The following NOL10 variants were observed in gnomAD, a reference collection of about 807,000 sequenced individuals.
NOL10 encodes the protein nucleolar protein 10.
In NOL10, 58 loss-of-function variants were observed where a neutral mutation model predicts 103.5. The ratio of observed to expected loss-of-function variants is 0.56; its 90% CI spans 0.45 to 0.70. The LOEUF is 0.70. Among genes scored for constraint, NOL10 ranks in the 30% least tolerant of loss-of-function variants. NOL10 has a pLI of 0.00. For synonymous variants in NOL10, 287 were observed against 282.5 expected (o/e 1.02, Z -0.16); for missense variants, 763 against 807.3 (o/e 0.95, Z 0.67).
At chr2:10,573,465 T>C (rs1028358909) in intron 20 of NOL10, among the ~76,000 whole-genome samples, 1 of 152,148 alleles carries the variant, frequency 6.6e-6, no homozygotes, top group Non-Finnish European at 1.5e-5. Flanking sequence ...GTGCTGGGAT[T>C]ACAGGCGTGC....
Position 10,681,906 on chromosome 2 carries a change from A to G in NOL10, c.211+65T>C, listed in dbSNP as rs73169917. On this transcript the variant is annotated intron_variant, in intron 3 of 20. Coordinates refer to ENST00000381685, the MANE Select transcript of NOL10 (RefSeq NM_024894.4). ...AAATATTAGGGTTAAAAAAAAAAAG[A>G]CCTTTCCCATCGCAGCATTTCCTGG... 2,850 of 605,670 alleles carry G rather than the reference A, an allele frequency of 4.7e-3. 83 individuals are homozygous for G. The African/African-American group carries it at 0.05, about 11-fold the overall frequency. The allele number at this position is 605,670 out of a possible 1,614,324, so 37.5% of individuals were successfully genotyped here.
chr2:10,642,467 T>C (rs1282685256), intron 13 of NOL10, among the ~76,000 whole-genome samples: 1 of 152,138 alleles, frequency 6.6e-6, no homozygotes, highest in Non-Finnish European at 1.5e-5. Context: ...AGAACACAGG[T>C]CTGATCCTAT....
rs1674612060 is a variant in NOL10 at position 10,578,963 on chromosome 2, AC to A, written c.1845-1226del. Among the ~76,000 whole-genome samples, 3 of 152,316 alleles carry A rather than the reference AC, an allele frequency of 2.0e-5. No homozygotes were observed. The South Asian group carries it at 6.2e-4, about 32-fold the overall frequency. On this transcript the variant is annotated intron_variant, in intron 19 of 20. Coordinates refer to ENST00000381685, the MANE Select transcript of NOL10 (RefSeq NM_024894.4). Reference sequence around the variant, plus strand: ...AGCCCTTTAAAGTGATGGCTAAGAAACCTGACTGAAGAAAGAAAAAGGCTGA... The same window carrying A: ...AGCCCTTTAAAGTGATGGCTAAGAAACTGACTGAAGAAAGAAAAAGGCTGA...
At position 10,637,188 on chromosome 2, in the gene NOL10, CAAA is replaced by C. The variant is rs61693251; in HGVS notation, c.1026+7129_1026+7131del. Among the ~76,000 whole-genome samples the C allele has an allele frequency of 4.9e-3, 218 of 44,518 alleles. 1 individual carries two copies. The highest frequency in any genetic ancestry group is 0.018 in the African/African-American group (207 of 11,716). The allele number at this position is 44,518 out of a possible 152,430, so 29.2% of individuals were successfully genotyped here. On this transcript the variant is annotated intron_variant, in intron 13 of 20. Coordinates refer to ENST00000381685, the MANE Select transcript of NOL10 (RefSeq NM_024894.4). ...TGGGCCACGGAGCAAGACACTGTCT[CAAA>C]AAAAAAAAAAAAAAAAAAAAAACAC...
At chr2:10,589,012 G>A in intron 19 of NOL10, 31 bp downstream of exon 19, 2 of 1,609,730 alleles carry the variant, frequency 1.2e-6, no homozygotes, top group Non-Finnish European at 1.7e-6. Flanking sequence ...TTGGTTACAT[G>A]TCAACTGTGC....
chr2:10,586,025 C>T (rs1675005015), intron 19 of NOL10, among the ~76,000 whole-genome samples: 1 of 151,872 alleles, frequency 6.6e-6, no homozygotes, highest in South Asian at 2.1e-4. Flanking sequence ...CAAAGGGCCA[C>T]ACATTATACA....
Position 10,602,982 on chromosome 2 carries a change from T to C in NOL10, c.1233+96A>G, listed in dbSNP as rs185894856. 4 of 1,237,326 alleles carry C rather than the reference T, an allele frequency of 3.2e-6. No individual in the cohort carries two copies. The African/African-American group carries it at 4.5e-5, about 14-fold the overall frequency. The allele number at this position is 1,237,326 out of a possible 1,614,324, so 76.6% of individuals were successfully genotyped here. A position where few individuals can be genotyped will look rare whatever the true frequency, so the allele number is the denominator to read the frequency against. ...AAAGAACAGGCAGATCCCCTACAAATCCTATGTATGATTTATGAAAGTGCG... is the reference window on the plus strand; with the variant it reads ...AAAGAACAGGCAGATCCCCTACAAACCCTATGTATGATTTATGAAAGTGCG... On this transcript the variant is annotated intron_variant, in intron 15 of 20. Transcript: ENST00000381685.
intron 4 of NOL10, among the ~76,000 whole-genome samples, chr2:10,675,553 C>T (rs1036983230): frequency 6.6e-6 from 1 of 152,002 alleles, no homozygotes; most frequent in Non-Finnish European, 1.5e-5. Context: ...CCCAGCACCT[C>T]CAAGTCAGAG....
chr2:10,606,822 C>T (rs761616502), intron 14 of NOL10, among the ~76,000 whole-genome samples: 2 of 152,042 alleles, frequency 1.3e-5, no homozygotes, highest in African/African-American at 2.4e-5. Flanking sequence ...CATTTACTTG[C>T]CGTCTCTGAG....
Position 10,675,750 on chromosome 2 carries a change from A to T in NOL10, c.289+44T>A, listed in dbSNP as rs752105799. The T allele has an allele frequency of 2.6e-6, 3 of 1,147,510 alleles. No homozygotes were observed. In the South Asian group the frequency reaches 4.3e-5, roughly 17 times the overall value. The allele number at this position is 1,147,510 out of a possible 1,614,324, so 71.1% of individuals were successfully genotyped here. On this transcript the variant is annotated intron_variant, in intron 4 of 20. Transcript: ENST00000381685. ...TTTTAAAACCAGAAAAGCAGACAAC[A>T]TAAAAAGCCATTTTCATGAATTCAA...
At chr2:10,605,061 A>G (rs728134) in intron 14 of NOL10, among the ~76,000 whole-genome samples, 89,682 of 151,784 alleles carry the variant, frequency 0.59, 27,479 homozygotes, top group African/African-American at 0.74. Flanking sequence ...GCAACCCTAT[A>G]GGTTGGGACC....
At chr2:10,677,560 G>C (rs1434699866) in intron 3 of NOL10, among the ~76,000 whole-genome samples, 1 of 148,342 alleles carries the variant, frequency 6.7e-6, no homozygotes, top group East Asian at 2.0e-4. Context: ...AACCTCAACC[G>C]CCCTGGGCTC....
intron 13 of NOL10, among the ~76,000 whole-genome samples, chr2:10,635,621 C>G (rs1229976242): frequency 6.6e-6 from 1 of 152,188 alleles, no homozygotes; most frequent in East Asian, 1.9e-4. Flanking sequence ...CTGAACCCTG[C>G]TGCCTTCCTT....
intron 13 of NOL10, among the ~76,000 whole-genome samples, chr2:10,616,999 A>G (rs985463168): frequency 1.1e-3 from 104 of 95,432 alleles, no homozygotes; most frequent in African/African-American, 5.4e-3. Context: ...CTCTCTAGAT[A>G]CTCAGTGACA....
At chr2:10,670,372 C>T (rs1308006741) in intron 6 of NOL10, among the ~76,000 whole-genome samples, 2 of 152,100 alleles carry the variant, frequency 1.3e-5, no homozygotes, top group African/African-American at 4.8e-5. Context: ...CAATTTATCT[C>T]GTTAAATATT....
At chr2:10,659,981 A>G (rs1347725488) in intron 9 of NOL10, among the ~76,000 whole-genome samples, 5 of 152,196 alleles carry the variant, frequency 3.3e-5, no homozygotes, top group African/African-American at 1.2e-4. Context: ...ACGACTCTAG[A>G]ATATGCTTCT....
intron 19 of NOL10, among the ~76,000 whole-genome samples, chr2:10,587,142 T>TATATATAC (rs1210749690): frequency 2.5e-5 from 1 of 40,338 alleles, no homozygotes; most frequent in Admixed American, 2.9e-4. Context: ...TATATACACA[T>TATATATAC]ATATATACAT....
At chr2:10,679,218 G>T (rs1389869120) in intron 3 of NOL10, among the ~76,000 whole-genome samples, 2 of 151,992 alleles carry the variant, frequency 1.3e-5, no homozygotes, top group African/African-American at 4.8e-5. Flanking sequence ...AATTAGCCGG[G>T]CGTGGTGGTG....
At chr2:10,636,137 C>T (rs1346847704) in intron 13 of NOL10, among the ~76,000 whole-genome samples, 1 of 152,234 alleles carries the variant, frequency 6.6e-6, no homozygotes, top group African/African-American at 2.4e-5. Flanking sequence ...ATCTACCCGC[C>T]TCGGCCTCCC....
Sources: gnomAD v4.1 joint callset for allele counts (sites outside exome capture counted in the v4.1 genomes callset) on GRCh38, gnomAD v4.1.1 for gene constraint, MANE v1.5 for transcripts, NCBI Gene and HGNC (gene_info 2026-07-23, HGNC 2026-07-21) for gene names.